MPPED1: variants seen among roughly 807,000 people sequenced by gnomAD.
MPPED1 encodes the protein metallophosphoesterase domain containing 1.
MPPED1 carries 16 observed loss-of-function variants against 36.2 expected under a neutral mutation model. That is an observed-to-expected ratio of 0.44 (90% CI 0.30 to 0.67). The LOEUF (loss-of-function observed/expected upper bound fraction) is 0.67. MPPED1 is among the 30% of genes least tolerant of loss of function. The probability of loss-of-function intolerance (pLI) is 0.10; values close to 1 mark genes in which losing one functional copy is unlikely to be tolerated. For synonymous variants in MPPED1, 199 were observed against 191.3 expected, an observed-to-expected ratio of 1.04 and a Z score of -0.33; for missense variants, 307 against 453.4, an observed-to-expected ratio of 0.68 and a Z score of 2.93.
At chr22:43,456,356 G>A (rs1930753545) in intron 3 of MPPED1, among the ~76,000 whole-genome samples, 1 of 152,182 alleles carries the variant, frequency 6.6e-6, no homozygotes, top group Non-Finnish European at 1.5e-5. Context: ...TGAGTGCCTG[G>A]GCTTAGGTGA....
chr22:43,433,559 TGCTGGGATTCTCCCTAGGCCTAGCA>T (rs1205324392), intron 2 of MPPED1, among the ~76,000 whole-genome samples: 5 of 147,082 alleles, frequency 3.4e-5, no homozygotes, highest in Admixed American at 6.8e-5. Context: ...AGCTCTGACT[TGCTGGGATTCTCCCTAGGCCTAGCA>T]ACCCCCAGGA....
intron 2 of MPPED1, 108 bp downstream of exon 2, chr22:43,425,317 G>A (rs1295499158): frequency 1.4e-6 from 2 of 1,437,878 alleles, no homozygotes; most frequent in African/African-American, 1.4e-5. Flanking sequence ...AGCATTGAAT[G>A]TTTGTTGACT....
chr22:43,495,392 G>A (rs1166542015), intron 4 of MPPED1, among the ~76,000 whole-genome samples: 2 of 148,650 alleles, frequency 1.3e-5, no homozygotes, highest in East Asian at 2.0e-4. Context: ...GGTGGTGGTA[G>A]TGATGGAGGT....
chr22:43,431,579 G>A (rs2146827812), intron 2 of MPPED1, among the ~76,000 whole-genome samples: 1 of 152,294 alleles, frequency 6.6e-6, no homozygotes, highest in African/African-American at 2.4e-5. Context: ...CCAAAAACCA[G>A]CTTCAAATTT....
At chr22:43,491,723 GATGATGCTGGTGGTGGTGA>G (rs1569087235) in intron 4 of MPPED1, among the ~76,000 whole-genome samples, 5 of 137,316 alleles carry the variant, frequency 3.6e-5, no homozygotes, top group Non-Finnish European at 7.9e-5. Flanking sequence ...TGGTGATAAA[GATGATGCTGGTGGTGGTGA>G]TGGTGATGGA....
chr22:43,431,027 T>G lies in MPPED1; in HGVS notation c.225-4007T>G, dbSNP rs1929664110. On this transcript the variant is annotated intron_variant, in intron 2 of 6. Transcript: ENST00000443721. ...CTTTCTACTGTTGTTGTTAATTTTTTTTTTTTTTTTTTTTTTTTTTTTTTT... is the reference window on the plus strand; with the variant it reads ...CTTTCTACTGTTGTTGTTAATTTTTGTTTTTTTTTTTTTTTTTTTTTTTTT... Among the ~76,000 whole-genome samples the G allele has an allele frequency of 4.2e-3, 106 of 25,100 alleles. 1 individual carries two copies. Among genetic ancestry groups the G allele is most frequent in the Non-Finnish European group, 5.0e-3 (82 of 16,528 alleles). The allele number at this position is 25,100 out of a possible 152,430, so 16.5% of individuals were successfully genotyped here.
chr22:43,431,197 A>G (rs1438278321), intron 2 of MPPED1, among the ~76,000 whole-genome samples: 1 of 151,328 alleles, frequency 6.6e-6, no homozygotes, highest in Admixed American at 6.6e-5. Context: ...GCCTGCCACC[A>G]CACCAAGCTA....
Position 43,482,327 on chromosome 22 carries a change from A to G in MPPED1, c.632+7366A>G, listed in dbSNP as rs117069597. Reference sequence around the variant, plus strand: ...AAACCTGCTGAGACATTAAACTTTGAGAAGTGGCTGCCGGGCCCGTTGCTG... The same window carrying G: ...AAACCTGCTGAGACATTAAACTTTGGGAAGTGGCTGCCGGGCCCGTTGCTG... On this transcript the variant is annotated intron_variant, in intron 4 of 6. Transcript: ENST00000443721. Among the ~76,000 whole-genome samples, 406 of 152,298 alleles carry G rather than the reference A, an allele frequency of 2.7e-3. 4 individuals are homozygous for G. In the East Asian group the frequency reaches 0.034, roughly 13 times the overall value.
At position 43,506,062 on chromosome 22, in the gene MPPED1, A is replaced by T. The variant is rs375609684; in HGVS notation, c.*446A>T. 1 of 158,876 alleles carries T rather than the reference A, an allele frequency of 6.3e-6. No individual in the cohort carries two copies. 9.8% of individuals were successfully genotyped at this position (158,876 alleles called of 1,614,324 possible). A position where few individuals can be genotyped will look rare whatever the true frequency, so the allele number is the denominator to read the frequency against. On this transcript the variant is annotated 3_prime_UTR_variant, in exon 7 of 7. Coordinates refer to ENST00000443721, the MANE Select transcript of MPPED1 (RefSeq NM_001044370.2). ...GTGGGTGGGAGGATTCGTGAGCTGC[A>T]CACAGACAGTCCCTTTCTCTCCTCC...
chr22:43,470,841 A>G (rs1411060694), intron 3 of MPPED1, among the ~76,000 whole-genome samples: 1 of 152,276 alleles, frequency 6.6e-6, no homozygotes, highest in Non-Finnish European at 1.5e-5. Context: ...GGACACCCAC[A>G]GGCATTCTTG....
intron 3 of MPPED1, among the ~76,000 whole-genome samples, chr22:43,464,895 G>A (rs1487091324): frequency 6.6e-6 from 1 of 152,130 alleles, no homozygotes; most frequent in Non-Finnish European, 1.5e-5. Context: ...CTGATTTCAT[G>A]GGATGTCAGC....
intron 2 of MPPED1, among the ~76,000 whole-genome samples, chr22:43,433,988 G>C (rs191734965): frequency 6.6e-6 from 1 of 152,296 alleles, no homozygotes; most frequent in African/African-American, 2.4e-5. Flanking sequence ...GCACTGGATG[G>C]AGAGCTGGGG....
At chr22:43,423,045 C>T (rs1179922128) in intron 1 of MPPED1, among the ~76,000 whole-genome samples, 2 of 152,110 alleles carry the variant, frequency 1.3e-5, no homozygotes, top group African/African-American at 4.8e-5. Context: ...CTATGTTGGC[C>T]AGGCTGGTCT....
chr22:43,414,854 C>G (rs1443434651), intron 1 of MPPED1, among the ~76,000 whole-genome samples: 1 of 152,204 alleles, frequency 6.6e-6, no homozygotes, highest in South Asian at 2.1e-4. Context: ...GAGCAAGGGT[C>G]CTGGGGCAAA....
At chr22:43,413,524 G>T (rs1021165000) in intron 1 of MPPED1, among the ~76,000 whole-genome samples, 3 of 152,234 alleles carry the variant, frequency 2.0e-5, no homozygotes, top group Admixed American at 2.0e-4. Flanking sequence ...TTTGGGGAGG[G>T]TGCTGATGGA....
chr22:43,443,352 TCTGGGTGGAGC>T (rs996035824), intron 3 of MPPED1, among the ~76,000 whole-genome samples: 2 of 152,118 alleles, frequency 1.3e-5, no homozygotes, highest in Non-Finnish European at 2.9e-5. Flanking sequence ...GAAGGACCCT[TCTGGGTGGAGC>T]CTGACTGTAG....
At chr22:43,422,107 G>C (rs1403681142) in intron 1 of MPPED1, among the ~76,000 whole-genome samples, 2 of 152,150 alleles carry the variant, frequency 1.3e-5, no homozygotes, top group East Asian at 1.9e-4. Context: ...CCAGATCCAG[G>C]CCTCTCCGAG....
chr22:43,498,189 T>C (rs1398685929), intron 4 of MPPED1, 46 bp from the exon 5 acceptor site: 2 of 1,462,728 alleles, frequency 1.4e-6, no homozygotes, highest in Non-Finnish European at 1.8e-6. Context: ...CTGACCACCC[T>C]GTACTTTCAC....
chr22:43,491,153 T>A (rs1156725446), intron 4 of MPPED1, among the ~76,000 whole-genome samples: 2 of 152,216 alleles, frequency 1.3e-5, no homozygotes, highest in African/African-American at 4.8e-5. Context: ...CAAAATGCAA[T>A]TTGAAAGACC....
Sources: allele counts gnomAD v4.1 joint callset (sites outside exome capture counted in the v4.1 genomes callset), GRCh38; gene constraint gnomAD v4.1.1; transcripts MANE v1.5; gene names NCBI Gene and HGNC (gene_info 2026-07-23, HGNC 2026-07-21).